The following DLC1 variants were observed in gnomAD, a reference collection of about 807,000 sequenced individuals.
The protein encoded by DLC1 is rho GTPase-activating protein 7.
Under a neutral mutation model 140.3 loss-of-function variants are expected in DLC1, and 54 were observed. That is an observed-to-expected ratio of 0.38 (90% CI 0.31 to 0.48). The LOEUF (loss-of-function observed/expected upper bound fraction) is 0.48. DLC1 is among the 20% of genes least tolerant of loss of function. DLC1 has a pLI of 0.96. For missense variants in DLC1, 2,536 were observed against 1,907.0 expected (o/e 1.33, Z -6.14); for synonymous variants, 986 against 728.1 (o/e 1.35, Z -5.70).
At chr8:13,314,697 C>T (rs1350619992) in intron 4 of DLC1, among the ~76,000 whole-genome samples, 1 of 152,098 alleles carries the variant, frequency 6.6e-6, no homozygotes, top group Admixed American at 6.6e-5. Context: ...GGTAGAAGCT[C>T]AAAACATAAA....
rs529143490 is a variant in DLC1, at chr8:13,393,627, A to G, written c.1240T>C (p.Ser414Pro). ...AGGTCCGTGGACTCAGTGTCAGAAG[A>G]CAAATTTACTCGTGTCTGATTTACT... ...ISVNQTRVNLSSDTESTDLPS... is the reference protein window; with the variant it reads ...ISVNQTRVNLPSDTESTDLPS... The change falls in exon 4 of 18, where the codon TCT becomes CCT. Residue 414 changes from serine to proline, a missense_variant. Transcript: ENST00000276297. 1.2e-6 allele frequency: 2 copies of G among 1,614,142 alleles called. No homozygotes were observed. Among genetic ancestry groups the G allele is most frequent in the African/African-American group, 1.3e-5 (1 of 75,036 alleles).
chr8:13,262,588 C>A (rs1830508840), intron 5 of DLC1, among the ~76,000 whole-genome samples: 1 of 152,026 alleles, frequency 6.6e-6, no homozygotes, highest in Non-Finnish European at 1.5e-5. Flanking sequence ...GAGATGAGGC[C>A]TTGTCCTGGC....
intron 1 of DLC1, chr8:13,566,858 G>T: frequency 8.6e-7 from 1 of 1,168,334 alleles, no homozygotes; most frequent in Admixed American, 3.2e-5. Context: ...AGCTGGGAAG[G>T]CGTCTCCCGG....
At chr8:13,361,584 A>G (rs1441045247) in intron 4 of DLC1, among the ~76,000 whole-genome samples, 1 of 152,094 alleles carries the variant, frequency 6.6e-6, no homozygotes, top group Non-Finnish European at 1.5e-5. Context: ...GGTATTTTCA[A>G]TGTTACTTAA....
At chr8:13,528,734 A>T (rs565666117) in intron 1 of DLC1, among the ~76,000 whole-genome samples, 53 of 152,166 alleles carry the variant, frequency 3.5e-4, no homozygotes, top group Non-Finnish European at 6.0e-4. Flanking sequence ...TTGGGTCTTG[A>T]GTAGAAGGTG....
intron 2 of DLC1, among the ~76,000 whole-genome samples, chr8:13,408,191 T>C (rs942794743): frequency 1.3e-5 from 2 of 152,206 alleles, no homozygotes; most frequent in African/African-American, 2.4e-5. Flanking sequence ...TATATTCCGT[T>C]CAACTCCAAG....
At chr8:13,333,889 G>A (rs1833703625) in intron 4 of DLC1, among the ~76,000 whole-genome samples, 1 of 152,122 alleles carries the variant, frequency 6.6e-6, no homozygotes. Context: ...AAATTTTCAA[G>A]TGTCTTCTCT....
At chr8:13,473,042 C>A (rs1800282711) in intron 2 of DLC1, among the ~76,000 whole-genome samples, 1 of 152,240 alleles carries the variant, frequency 6.6e-6, no homozygotes, top group Middle Eastern at 3.4e-3. Flanking sequence ...ATTAGAGAAC[C>A]ACCAAGGGCT....
intron 1 of DLC1, among the ~76,000 whole-genome samples, chr8:13,596,206 T>C (rs1041443545): frequency 6.6e-6 from 1 of 152,014 alleles, no homozygotes; most frequent in Non-Finnish European, 1.5e-5. Context: ...AGCACCAAAT[T>C]TTGTTCTTTA....
chr8:13,582,976 T>C (rs1480152909), intron 1 of DLC1, among the ~76,000 whole-genome samples: 1 of 148,912 alleles, frequency 6.7e-6, no homozygotes, highest in Non-Finnish European at 1.5e-5. Context: ...AATACTTTAT[T>C]GCTGAAAATG....
chr8:13,492,685 C>A (rs1454693960), intron 2 of DLC1, among the ~76,000 whole-genome samples: 2 of 152,158 alleles, frequency 1.3e-5, no homozygotes, highest in African/African-American at 2.4e-5. Flanking sequence ...GGACCAAGCA[C>A]ATAGGATAGC....
chr8:13,493,273 G>A (rs186202302), intron 2 of DLC1, among the ~76,000 whole-genome samples: 5 of 152,188 alleles, frequency 3.3e-5, no homozygotes, highest in South Asian at 2.1e-4. Flanking sequence ...CCTCCTTGTC[G>A]GCTGATACTA....
intron 5 of DLC1, among the ~76,000 whole-genome samples, chr8:13,196,984 A>G (rs775914240): frequency 1.3e-5 from 2 of 152,156 alleles, no homozygotes; most frequent in East Asian, 3.8e-4. Context: ...AAGTATGTTT[A>G]TGCAAGACAA....
Position 13,088,467 on chromosome 8 carries a change from A to C in DLC1, c.4292+20T>G, listed in dbSNP as rs1241495338. On this transcript the variant is annotated intron_variant, in intron 16 of 17. Coordinates refer to ENST00000276297, the MANE Select transcript of DLC1 (RefSeq NM_182643.3). ...TATGGAGTCATCCTTGTCACAAAAA[A>C]ACAACTGGGAAGCGCTCACCTTAAA... 19 of 1,613,576 alleles carry C rather than the reference A, an allele frequency of 1.2e-5. No homozygotes were observed. Among genetic ancestry groups the C allele is most frequent in the Non-Finnish European group, 1.6e-5 (19 of 1,179,612 alleles).
Position 13,346,262 on chromosome 8 carries a change from G to A in DLC1, c.1315-40960C>T, listed in dbSNP as rs1034687342. Reference sequence around the variant, plus strand: ...TTTTGATGTAAAGGGATTCACAGTCGTGTCAGAAGAGGCTTTCTCCATTCA... The same window carrying A: ...TTTTGATGTAAAGGGATTCACAGTCATGTCAGAAGAGGCTTTCTCCATTCA... On this transcript the variant is annotated intron_variant, in intron 4 of 17. Coordinates refer to ENST00000276297, the MANE Select transcript of DLC1 (RefSeq NM_182643.3). Among the ~76,000 whole-genome samples the A allele has an allele frequency of 8.5e-5, 13 of 152,286 alleles. No homozygotes were observed. The East Asian group carries it at 1.4e-3, about 16-fold the overall frequency.
At chr8:13,306,855 G>A (rs575835818) in intron 4 of DLC1, among the ~76,000 whole-genome samples, 9 of 151,774 alleles carry the variant, frequency 5.9e-5, no homozygotes, top group African/African-American at 2.2e-4. Context: ...AGGCCGAGGC[G>A]GGTGGATCAC....
rs486596 is a variant in DLC1 at position 13,085,001 on chromosome 8, A to G, written c.*810T>C. 0.89 allele frequency: 135,462 copies of G among 152,296 alleles called. 60,479 individuals are homozygous for G. The highest frequency in any genetic ancestry group is 0.97 in the South Asian group (4,685 of 4,822). The allele number at this position is 152,296 out of a possible 1,614,324, so 9.4% of individuals were successfully genotyped here. On this transcript the variant is annotated 3_prime_UTR_variant, in exon 18 of 18. Transcript: ENST00000276297. Reference sequence around the variant, plus strand: ...CCTGTGGATCAGAGCCAGTAAGGCTAGAGGGAGCAGTTCATCCCTGAACTA... The same window carrying G: ...CCTGTGGATCAGAGCCAGTAAGGCTGGAGGGAGCAGTTCATCCCTGAACTA...
intron 7 of DLC1, among the ~76,000 whole-genome samples, chr8:13,109,854 C>A (rs1378011362): frequency 2.6e-5 from 4 of 151,994 alleles, no homozygotes; most frequent in Non-Finnish European, 1.5e-5. Context: ...CACTGCACTC[C>A]AGCCTGGGCA....
chr8:13,136,721 G>A (rs963709344), intron 5 of DLC1, among the ~76,000 whole-genome samples: 2 of 152,136 alleles, frequency 1.3e-5, no homozygotes, highest in Non-Finnish European at 2.9e-5. Flanking sequence ...TTTTTGTAGA[G>A]ACAGGGTTTT....
Sources: allele counts gnomAD v4.1 joint callset (sites outside exome capture counted in the v4.1 genomes callset), GRCh38; gene constraint gnomAD v4.1.1; transcripts MANE v1.5; gene names NCBI Gene and HGNC (gene_info 2026-07-23, HGNC 2026-07-21).